The following CAST variants were observed in gnomAD, a reference collection of about 807,000 sequenced individuals.
CAST encodes the protein MIR583 host.
Under a neutral mutation model 119.6 loss-of-function variants are expected in CAST, and 76 were observed. The ratio of observed to expected loss-of-function variants is 0.64; its 90% CI spans 0.53 to 0.77. The LOEUF is 0.77. CAST is among the 30% of genes least tolerant of loss of function. CAST has a pLI of 0.00. For missense variants in CAST, 953 were observed against 946.5 expected (o/e 1.01, Z -0.09); for synonymous variants, 319 against 331.6 (o/e 0.96, Z 0.41).
chr5:96,662,155 C>T (rs769312998), upstream of CAST: 2 of 390,938 alleles, frequency 5.1e-6, no homozygotes, highest in African/African-American at 2.1e-5. Flanking sequence ...GGGGCCGGGG[C>T]GGGTCACCGG....
chr5:96,501,426 G>A, the CAST span, among the ~76,000 whole-genome samples: 11 of 152,058 alleles, frequency 7.2e-5, no homozygotes, highest in Non-Finnish European at 1.3e-4. Flanking sequence ...GTGGAACAAC[G>A]TTAATATCTG....
chr5:96,332,725 C>T, the CAST span, among the ~76,000 whole-genome samples: 1 of 152,162 alleles, frequency 6.6e-6, no homozygotes, highest in Non-Finnish European at 1.5e-5. Flanking sequence ...GCTAACACTT[C>T]AAACTGCTGA....
intron 2 of CAST, among the ~76,000 whole-genome samples, chr5:96,685,721 T>A (rs1752004953): frequency 1.3e-5 from 2 of 152,216 alleles, no homozygotes; most frequent in South Asian, 4.1e-4. Flanking sequence ...TTTTTGTGCC[T>A]AAGAATCACC....
chr5:96,705,422 G>A (rs1246280690), intron 3 of CAST, among the ~76,000 whole-genome samples: 2 of 152,052 alleles, frequency 1.3e-5, no homozygotes, highest in African/African-American at 4.8e-5. Flanking sequence ...AATTTTTAAG[G>A]CCACTTTACA....
At chr5:96,123,480 A>C in the CAST span, among the ~76,000 whole-genome samples, 3 of 152,132 alleles carry the variant, frequency 2.0e-5, no homozygotes, top group Non-Finnish European at 4.4e-5. Context: ...CTCAGAAATA[A>C]AGCTCTGACA....
chr5:96,582,499 T>C (rs570582784), intron 1 of CAST, among the ~76,000 whole-genome samples: 6 of 152,316 alleles, frequency 3.9e-5, no homozygotes, highest in African/African-American at 1.4e-4. Flanking sequence ...AGCATATGGA[T>C]AAGTGACTCG....
intron 3 of CAST, among the ~76,000 whole-genome samples, chr5:96,712,138 A>C (rs1019847600): frequency 6.6e-6 from 1 of 152,212 alleles, no homozygotes; most frequent in Non-Finnish European, 1.5e-5. Context: ...AATGTGTTCT[A>C]TCTATTCCAC....
the CAST span, among the ~76,000 whole-genome samples, chr5:96,221,191 T>C: frequency 2.0e-5 from 3 of 152,048 alleles, no homozygotes; most frequent in African/African-American, 7.2e-5. Context: ...TCAAGTTAAG[T>C]ATCCTTGTCA....
chr5:96,481,316 G>A, the CAST span, among the ~76,000 whole-genome samples: 3 of 152,100 alleles, frequency 2.0e-5, no homozygotes, highest in African/African-American at 7.2e-5. Flanking sequence ...CTTGAGATAA[G>A]AGCCTTCTTT....
At chr5:96,412,596 A>C in the CAST span, 19 of 1,057,450 alleles carry the variant, frequency 1.8e-5, no homozygotes, top group African/African-American at 2.1e-4. Flanking sequence ...TTTAAGAGTC[A>C]AAAACCAGGT....
chr5:96,598,684 A>C (rs1180178833), intron 1 of CAST, among the ~76,000 whole-genome samples: 1 of 152,188 alleles, frequency 6.6e-6, no homozygotes, highest in African/African-American at 2.4e-5. Context: ...GTATTTGGTC[A>C]CACATTATTC....
At chr5:96,713,969 G>A (rs1028440394) in intron 3 of CAST, among the ~76,000 whole-genome samples, 2 of 151,888 alleles carry the variant, frequency 1.3e-5, no homozygotes, top group African/African-American at 4.8e-5. Context: ...GCAATACTCT[G>A]TCCAAAAAAA....
chr5:96,392,830 C>A, the CAST span: 1 of 691,986 alleles, frequency 1.4e-6, no homozygotes, highest in Non-Finnish European at 2.5e-6. Context: ...GTTGAACTTC[C>A]TGCTTGAGCT....
chr5:95,965,547 T>G, the CAST span, among the ~76,000 whole-genome samples: 1 of 152,184 alleles, frequency 6.6e-6, no homozygotes, highest in African/African-American at 2.4e-5. Context: ...ACATAGAACC[T>G]TATAGAGTTA....
At chr5:96,766,208 C>G in intron 27 of CAST, 63 bp downstream of exon 27, 1 of 914,024 alleles carries the variant, frequency 1.1e-6, no homozygotes, top group South Asian at 1.4e-5. Context: ...TCAAACCTCC[C>G]TTGAAATAAA....
At chr5:96,373,207 A>G in the CAST span, among the ~76,000 whole-genome samples, 46 of 152,318 alleles carry the variant, frequency 3.0e-4, no homozygotes, top group South Asian at 9.3e-3. Flanking sequence ...ACTGGATGAC[A>G]GTGATGATGA....
At chr5:96,587,779 C>T (rs1221286048) in intron 1 of CAST, among the ~76,000 whole-genome samples, 4 of 152,158 alleles carry the variant, frequency 2.6e-5, no homozygotes, top group Admixed American at 2.6e-4. Flanking sequence ...ATTCCCCTTA[C>T]TATTTAGGTA....
intron 22 of CAST, among the ~76,000 whole-genome samples, chr5:96,755,743 A>C (rs1766164572): frequency 6.6e-6 from 1 of 152,250 alleles, no homozygotes; most frequent in South Asian, 2.1e-4. Context: ...TCCGTGATTG[A>C]AAGTTTATTA....
upstream of CAST, among the ~76,000 whole-genome samples, chr5:96,524,502 A>T (rs1745568616): frequency 6.6e-6 from 1 of 152,190 alleles, no homozygotes; most frequent in South Asian, 2.1e-4. Flanking sequence ...CACCATGCTC[A>T]TGCTTGGCAC....
Sources: gnomAD v4.1 joint callset for allele counts (sites outside exome capture counted in the v4.1 genomes callset) on GRCh38, gnomAD v4.1.1 for gene constraint, MANE v1.5 for transcripts, NCBI Gene and HGNC (gene_info 2026-07-23, HGNC 2026-07-21) for gene names.